ROBO1: variants seen among roughly 807,000 people sequenced by gnomAD.
ROBO1 encodes roundabout guidance receptor 1.
In ROBO1, 149 loss-of-function variants were observed where a neutral mutation model predicts 195.9. That is an observed-to-expected ratio of 0.76 (90% CI 0.67 to 0.87). The LOEUF is 0.87. Ranked by LOEUF, ROBO1 falls within the 40% of genes least tolerant of loss-of-function variation. The pLI, the probability that ROBO1 is intolerant of heterozygous loss-of-function variation, is 0.00. For missense variants in ROBO1, 1,933 were observed against 2,068.3 expected (o/e 0.93, Z 1.27); for synonymous variants, 816 against 733.2 (o/e 1.11, Z -1.82).
intron 4 of ROBO1, among the ~76,000 whole-genome samples, chr3:78,912,442 G>A (rs1001527654): frequency 1.3e-5 from 2 of 152,028 alleles, no homozygotes; most frequent in African/African-American, 4.8e-5. Flanking sequence ...TACAAGGCAC[G>A]TTGGCCATTT....
intron 4 of ROBO1, among the ~76,000 whole-genome samples, chr3:78,936,808 G>A (rs1478822090): frequency 6.6e-6 from 1 of 151,916 alleles, no homozygotes; most frequent in Non-Finnish European, 1.5e-5. Flanking sequence ...TTATAAATAG[G>A]TCGAACATTT....
At chr3:78,815,537 A>G (rs1390642999) in intron 4 of ROBO1, among the ~76,000 whole-genome samples, 2 of 152,108 alleles carry the variant, frequency 1.3e-5, no homozygotes, top group Non-Finnish European at 2.9e-5. Flanking sequence ...AGGTTGAGGG[A>G]GATGAGGAAA....
chr3:78,752,721 T>G (rs1426399611), intron 4 of ROBO1, among the ~76,000 whole-genome samples: 4 of 152,236 alleles, frequency 2.6e-5, no homozygotes, highest in East Asian at 1.9e-4. Context: ...TTCCATCAAA[T>G]ATTATCCATC....
chr3:79,425,277 C>T (rs373383101), intron 2 of ROBO1, among the ~76,000 whole-genome samples: 54 of 152,172 alleles, frequency 3.5e-4, no homozygotes, highest in East Asian at 1.9e-3. Context: ...TCCTTGATGG[C>T]GCAGTAACCA....
At chr3:79,369,428 C>T (rs2036106207) in intron 2 of ROBO1, among the ~76,000 whole-genome samples, 1 of 152,210 alleles carries the variant, frequency 6.6e-6, no homozygotes, top group Non-Finnish European at 1.5e-5. Context: ...TCTTCTTCTC[C>T]TTCCTAACTA....
chr3:78,648,885 C>T lies in ROBO1; in HGVS notation c.2813-1230G>A, dbSNP rs188160061. 2.6e-4 allele frequency among the ~76,000 whole-genome samples: 40 copies of T among 152,040 alleles called. No homozygotes were observed. The East Asian group carries it at 7.0e-3, about 27-fold the overall frequency. On this transcript the variant is annotated intron_variant, in intron 19 of 30. Coordinates refer to ENST00000464233, the MANE Select transcript of ROBO1 (RefSeq NM_002941.4). ...AGCATTTGGGGTTTGCAAACCGAAACGCTATAGCGTCCTCTACAATTGTCA... is the reference window on the plus strand; with the variant it reads ...AGCATTTGGGGTTTGCAAACCGAAATGCTATAGCGTCCTCTACAATTGTCA...
chr3:79,707,253 A>G (rs1019269968), intron 1 of ROBO1, among the ~76,000 whole-genome samples: 3 of 152,122 alleles, frequency 2.0e-5, no homozygotes, highest in Non-Finnish European at 4.4e-5. Context: ...TAATCTGTCC[A>G]TCTCATCTGG....
At chr3:78,885,412 TAAAAAAAAAAAAAAA>T (rs59912706) in intron 4 of ROBO1, among the ~76,000 whole-genome samples, 3 of 53,676 alleles carry the variant, frequency 5.6e-5, no homozygotes, top group Non-Finnish European at 6.4e-5. Context: ...AATTTAAAAC[TAAAAAAAAAAAAAAA>T]AAAAAAAAAA....
chr3:78,658,235 A>G (rs1374183279), intron 17 of ROBO1, among the ~76,000 whole-genome samples: 2 of 152,208 alleles, frequency 1.3e-5, no homozygotes, highest in Non-Finnish European at 2.9e-5. Context: ...GGTGCACGAC[A>G]ATGTTCAAGC....
rs561822630 is a variant in ROBO1, at chr3:78,947,897, C to T, written c.173-8970G>A. On this transcript the variant is annotated intron_variant, in intron 3 of 30. Transcript: ENST00000464233. ...CCATCAGAGAATACTATAAACACCT[C>T]TACACAAATAAACTAGAAAATCTAG... is the stretch of plus-strand genomic sequence containing the variant. 2.6e-5 allele frequency among the ~76,000 whole-genome samples: 4 copies of T among 152,306 alleles called. No individual in the cohort carries two copies. The South Asian group carries it at 6.2e-4, about 24-fold the overall frequency.
chr3:78,639,167 A>G (rs950949432), intron 22 of ROBO1, among the ~76,000 whole-genome samples: 3 of 151,748 alleles, frequency 2.0e-5, no homozygotes, highest in African/African-American at 7.3e-5. Flanking sequence ...AAAGTTAAAT[A>G]CTTTTATGGC....
At chr3:78,818,030 C>G (rs1053598398) in intron 4 of ROBO1, among the ~76,000 whole-genome samples, 1 of 152,194 alleles carries the variant, frequency 6.6e-6, no homozygotes, top group African/African-American at 2.4e-5. Context: ...CCAACCAAAA[C>G]CACTTGAACA....
intron 4 of ROBO1, among the ~76,000 whole-genome samples, chr3:78,767,615 C>T (rs2083263709): frequency 6.6e-6 from 1 of 152,130 alleles, no homozygotes; most frequent in Admixed American, 6.5e-5. Flanking sequence ...TGTTGTTGGT[C>T]TGTTCAGGGT....
intron 2 of ROBO1, among the ~76,000 whole-genome samples, chr3:79,275,678 A>G (rs1419516144): frequency 1.3e-5 from 2 of 152,014 alleles, no homozygotes; most frequent in Admixed American, 1.3e-4. Flanking sequence ...ACTGGAAAGG[A>G]AGAAGTCAAA....
chr3:79,729,989 C>G (rs1447026252), intron 1 of ROBO1, among the ~76,000 whole-genome samples: 1 of 152,200 alleles, frequency 6.6e-6, no homozygotes, highest in Non-Finnish European at 1.5e-5. Flanking sequence ...TAATGTTTTA[C>G]TTTGCTAAAT....
intron 26 of ROBO1, among the ~76,000 whole-genome samples, chr3:78,621,360 C>T (rs1372114274): frequency 6.6e-6 from 1 of 152,140 alleles, no homozygotes; most frequent in Non-Finnish European, 1.5e-5. Context: ...ACAAAGGAGA[C>T]TATTTTGACC....
At chr3:79,689,321 T>C (rs1947231840) in intron 1 of ROBO1, among the ~76,000 whole-genome samples, 1 of 152,048 alleles carries the variant, frequency 6.6e-6, no homozygotes, top group Admixed American at 6.6e-5. Context: ...TTAGACGCGA[T>C]GACTTATTGA....
intron 1 of ROBO1, among the ~76,000 whole-genome samples, chr3:79,590,475 C>T (rs1438104528): frequency 1.3e-5 from 2 of 151,660 alleles, no homozygotes; most frequent in Non-Finnish European, 3.0e-5. Flanking sequence ...TTAAAAATTA[C>T]CAAGTGGTCT....
At chr3:79,637,253 T>C (rs1181609310) in intron 1 of ROBO1, among the ~76,000 whole-genome samples, 1 of 152,128 alleles carries the variant, frequency 6.6e-6, no homozygotes, top group Non-Finnish European at 1.5e-5. Flanking sequence ...ATATTTATCA[T>C]GTATTATAAA....
Sources: allele counts gnomAD v4.1 joint callset (sites outside exome capture counted in the v4.1 genomes callset), GRCh38; gene constraint gnomAD v4.1.1; transcripts MANE v1.5; gene names NCBI Gene and HGNC (gene_info 2026-07-23, HGNC 2026-07-21).